EPHA7: variants seen among roughly 807,000 people sequenced by gnomAD.
EPHA7 encodes ephrin type-A receptor 7.
EPHA7 carries 25 observed loss-of-function variants against 112.6 expected under a neutral mutation model. The ratio of observed to expected loss-of-function variants is 0.22; its 90% CI spans 0.16 to 0.31. EPHA7 has a LOEUF of 0.31. Ranked by LOEUF, EPHA7 falls within the 10% of genes least tolerant of loss-of-function variation. The pLI is 1.00. For synonymous variants in EPHA7, 437 were observed against 406.5 expected, an observed-to-expected ratio of 1.07 and a Z score of -0.90; for missense variants, 962 against 1,212.6, an observed-to-expected ratio of 0.79 and a Z score of 3.07.
intron 3 of EPHA7, among the ~76,000 whole-genome samples, chr6:93,403,197 C>T (rs1778513923): frequency 6.6e-6 from 1 of 151,956 alleles, no homozygotes; most frequent in South Asian, 2.1e-4. Context: ...CAATTAATTG[C>T]ATTGAAATTA....
At chr6:93,361,378 A>AG (rs1776253577) in intron 3 of EPHA7, among the ~76,000 whole-genome samples, 1 of 152,080 alleles carries the variant, frequency 6.6e-6, no homozygotes, top group African/African-American at 2.4e-5. Context: ...TGCAAAAAAA[A>AG]CAAAAGCAGT....
At position 93,255,838 on chromosome 6, in the gene EPHA7, T is replaced by C. The variant is rs758111523; in HGVS notation, c.2372A>G (p.Tyr791Cys). ...RVIEDDPEAVYTTTGGKIPVR... is the reference protein window; with the variant it reads ...RVIEDDPEAVCTTTGGKIPVR... ...ATGACTTTTTCTTACAGTAGTTGTA[T>C]AGACAGCTTCTGGATCATCCTCTAT... Residue 791 changes from tyrosine to cysteine, a missense_variant, in exon 13 of 17, where the codon TAT becomes TGT. Physicochemically the swap from Tyr to Cys is radical, Grantham distance 194 (BLOSUM62 -2). Coordinates refer to ENST00000369303, the MANE Select transcript of EPHA7 (RefSeq NM_004440.4). The C allele has an allele frequency of 3.7e-6, 6 of 1,613,936 alleles. No homozygotes were observed. The highest frequency in any genetic ancestry group is 4.2e-6 in the Non-Finnish European group (5 of 1,179,828).
intron 5 of EPHA7, among the ~76,000 whole-genome samples, chr6:93,354,826 C>T (rs1401274520): frequency 6.6e-6 from 1 of 152,034 alleles, no homozygotes; most frequent in Non-Finnish European, 1.5e-5. Context: ...CATGAAAAGA[C>T]ATCCCCAAAG....
chr6:93,351,569 G>A (rs574799109), intron 5 of EPHA7, among the ~76,000 whole-genome samples: 1 of 152,046 alleles, frequency 6.6e-6, no homozygotes, highest in East Asian at 1.9e-4. Context: ...CCTATTAATA[G>A]TGTACAGTGA....
chr6:93,391,120 A>C (rs1165968711), intron 3 of EPHA7, among the ~76,000 whole-genome samples: 1 of 151,940 alleles, frequency 6.6e-6, no homozygotes, highest in African/African-American at 2.4e-5. Context: ...ATTTAAATCT[A>C]GTCTAATAAT....
chr6:93,296,580 A>C (rs1772683921), intron 5 of EPHA7, among the ~76,000 whole-genome samples: 2 of 151,254 alleles, frequency 1.3e-5, no homozygotes, highest in South Asian at 4.2e-4. Context: ...CGCTAGGAGA[A>C]ATAAGCCAGG....
intron 6 of EPHA7, among the ~76,000 whole-genome samples, chr6:93,272,062 T>C (rs1476477494): frequency 6.6e-6 from 1 of 151,868 alleles, no homozygotes; most frequent in South Asian, 2.1e-4. Context: ...AATAAATATA[T>C]ATGCTACAAA....
chr6:93,416,742 T>C (rs1202808783), intron 1 of EPHA7, among the ~76,000 whole-genome samples: 1 of 152,168 alleles, frequency 6.6e-6, no homozygotes, highest in African/African-American at 2.4e-5. Context: ...GGGCCAGGCC[T>C]AGGACTCCAG....
At chr6:93,416,753 G>A (rs1779249557) in intron 1 of EPHA7, among the ~76,000 whole-genome samples, 1 of 152,150 alleles carries the variant, frequency 6.6e-6, no homozygotes, top group Admixed American at 6.5e-5. Flanking sequence ...AGGACTCCAG[G>A]GCTCCGCGCC....
intron 5 of EPHA7, among the ~76,000 whole-genome samples, chr6:93,347,996 A>G (rs570587661): frequency 1.3e-5 from 2 of 152,068 alleles, no homozygotes; most frequent in Admixed American, 1.3e-4. Flanking sequence ...GACGCAACTT[A>G]AAACACTCTA....
chr6:93,247,112 T>G (rs1308966126), intron 14 of EPHA7, 127 bp from the exon 15 acceptor site: 2 of 840,468 alleles, frequency 2.4e-6, no homozygotes, highest in East Asian at 5.4e-5. Flanking sequence ...AAGACTTACT[T>G]TTTTCCCAAA....
At chr6:93,349,512 A>G (rs1267197966) in intron 5 of EPHA7, among the ~76,000 whole-genome samples, 1 of 151,898 alleles carries the variant, frequency 6.6e-6, no homozygotes, top group Admixed American at 6.6e-5. Flanking sequence ...AGGTGTACAT[A>G]TGAATGTATG....
chr6:93,257,636 G>C (rs1055560956), intron 11 of EPHA7, 113 bp from the exon 12 acceptor site: 1 of 670,318 alleles, frequency 1.5e-6, no homozygotes, highest in Non-Finnish European at 2.5e-6. Context: ...AGTGTGAGAA[G>C]TATGAGCATT....
chr6:93,308,800 T>A (rs1582492459), intron 5 of EPHA7, among the ~76,000 whole-genome samples: 1 of 152,208 alleles, frequency 6.6e-6, no homozygotes, highest in Non-Finnish European at 1.5e-5. Context: ...ACCACATTTT[T>A]AAAGGCATCA....
intron 5 of EPHA7, among the ~76,000 whole-genome samples, chr6:93,345,083 G>A (rs1330797098): frequency 6.6e-6 from 1 of 151,580 alleles, no homozygotes; most frequent in East Asian, 1.9e-4. Context: ...GTCTATACAT[G>A]TCTATACACA....
rs35708007 is a variant in EPHA7 at position 93,369,180 on chromosome 6, C to CCACA, written c.833-10773_833-10770dup. The stretch of plus-strand genomic sequence containing the variant: ...AAAGAAAAGAAAAGAAAAATAAAGG[C>CCACA]CACACACACACACACACACACACAC... On this transcript the variant is annotated intron_variant, in intron 3 of 16. Coordinates refer to ENST00000369303, the MANE Select transcript of EPHA7 (RefSeq NM_004440.4). Among the ~76,000 whole-genome samples, 1,421 of 144,900 alleles carry CCACA rather than the reference C, an allele frequency of 9.8e-3. 32 individuals carry two copies. The highest frequency in any genetic ancestry group is 0.033 in the African/African-American group (1,291 of 38,974).
intron 5 of EPHA7, among the ~76,000 whole-genome samples, chr6:93,340,220 G>A (rs1220261940): frequency 2.0e-5 from 3 of 151,756 alleles, no homozygotes; most frequent in South Asian, 2.1e-4. Context: ...GTGTGTATAT[G>A]TGTATGTGCA....
At chr6:93,387,723 G>C (rs887847558) in intron 3 of EPHA7, among the ~76,000 whole-genome samples, 5 of 152,048 alleles carry the variant, frequency 3.3e-5, no homozygotes, top group Non-Finnish European at 7.4e-5. Context: ...CAGCAGGAGA[G>C]AGAATTGCAG....
At chr6:93,267,418 G>C (rs1234310002) in intron 7 of EPHA7, among the ~76,000 whole-genome samples, 3 of 151,684 alleles carry the variant, frequency 2.0e-5, no homozygotes, top group African/African-American at 7.3e-5. Flanking sequence ...AGAGCAGAGA[G>C]ATTTGAAACC....
Sources: gnomAD v4.1 joint callset for allele counts (sites outside exome capture counted in the v4.1 genomes callset) on GRCh38, gnomAD v4.1.1 for gene constraint, MANE v1.5 for transcripts, NCBI Gene and HGNC (gene_info 2026-07-23, HGNC 2026-07-21) for gene names.